The following EGFLAM variants were observed in gnomAD, a reference collection of about 807,000 sequenced individuals.
EGFLAM encodes the protein pikachurin.
Under a neutral mutation model 113.1 loss-of-function variants are expected in EGFLAM, and 79 were observed. The observed-to-expected ratio is 0.70, with a 90% CI of 0.58 to 0.84. EGFLAM has a LOEUF of 0.84. Among genes scored for constraint, EGFLAM ranks in the 40% least tolerant of loss-of-function variants. EGFLAM has a pLI of 0.00. For missense variants in EGFLAM, 1,265 were observed against 1,291.6 expected (o/e 0.98, Z 0.32); for synonymous variants, 504 against 487.6 (o/e 1.03, Z -0.44).
At position 38,463,850 on chromosome 5, in the gene EGFLAM, C is replaced by G. The variant is rs940109136; in HGVS notation, c.2894C>G (p.Ala965Gly). The G allele has an allele frequency of 1.9e-6, 3 of 1,613,782 alleles. No homozygotes were observed. The highest frequency in any genetic ancestry group is 2.7e-5 in the African/African-American group (2 of 74,924). Residue 965 changes from alanine (A) to glycine (G), a missense_variant, in exon 22 of 22, where the codon GCT becomes GGT. Physicochemically the swap from Ala to Gly is moderately conservative, Grantham distance 60. Transcript: ENST00000322350. ...CTGGCAGGTGGAATGAAGGAAATTGCTCTGCACACTAACAGGCAATATATG... is the reference window on the plus strand; with the variant it reads ...CTGGCAGGTGGAATGAAGGAAATTGGTCTGCACACTAACAGGCAATATATG... ...ALYVGGMKEI[A>G]LHTNRQYMRG...
At chr5:38,320,288 A>G (rs1738706319) in intron 1 of EGFLAM, among the ~76,000 whole-genome samples, 2 of 152,234 alleles carry the variant, frequency 1.3e-5, no homozygotes, top group Non-Finnish European at 2.9e-5. Flanking sequence ...AGAACTTTTT[A>G]GAAATGCAAA....
At chr5:38,386,894 C>T (rs1184301197) in intron 6 of EGFLAM, among the ~76,000 whole-genome samples, 2 of 152,184 alleles carry the variant, frequency 1.3e-5, no homozygotes, top group African/African-American at 2.4e-5. Flanking sequence ...TGCATAGACA[C>T]ACATACACAG....
intron 11 of EGFLAM, among the ~76,000 whole-genome samples, chr5:38,415,326 G>T (rs1383566524): frequency 1.3e-5 from 2 of 148,160 alleles, no homozygotes; most frequent in East Asian, 4.1e-4. Flanking sequence ...TTGCGCTACT[G>T]CACTCCATCC....
chr5:38,371,647 T>C (rs1437656549), intron 6 of EGFLAM, among the ~76,000 whole-genome samples: 1 of 151,748 alleles, frequency 6.6e-6, no homozygotes, highest in African/African-American at 2.4e-5. Context: ...CGCACACACA[T>C]ATGCACATGC....
chr5:38,284,426 A>G (rs1372776448), intron 1 of EGFLAM, among the ~76,000 whole-genome samples: 1 of 152,236 alleles, frequency 6.6e-6, no homozygotes, highest in African/African-American at 2.4e-5. Context: ...AAAAGCAGCC[A>G]CAGGCTATAT....
chr5:38,347,698 G>A (rs577447301), intron 3 of EGFLAM, among the ~76,000 whole-genome samples: 20 of 152,210 alleles, frequency 1.3e-4, no homozygotes, highest in African/African-American at 4.1e-4. Context: ...GAGGGGACAC[G>A]GTACGGGATG....
At chr5:38,365,628 C>G (rs543304150) in intron 5 of EGFLAM, among the ~76,000 whole-genome samples, 9 of 151,886 alleles carry the variant, frequency 5.9e-5, no homozygotes, top group Admixed American at 1.3e-4. Flanking sequence ...TGGTCTTTTA[C>G]CAGCATTTTG....
At chr5:38,301,262 G>A (rs1336870604) in intron 1 of EGFLAM, among the ~76,000 whole-genome samples, 2 of 152,104 alleles carry the variant, frequency 1.3e-5, no homozygotes, top group Non-Finnish European at 2.9e-5. Flanking sequence ...CCAGGAGAGG[G>A]TTTCCCAAGG....
chr5:38,438,290 C>T lies in EGFLAM; in HGVS notation c.2299C>T (p.Arg767Ter), dbSNP rs746941390. 14 of 1,612,884 alleles carry T rather than the reference C, an allele frequency of 8.7e-6. No homozygotes were observed. The highest frequency in any genetic ancestry group is 5.5e-5 in the South Asian group (5 of 90,758). Residue 767 changes from arginine to a stop codon, truncating the protein, a stop_gained, in exon 17 of 22, where the codon CGA becomes TGA. Coordinates refer to ENST00000322350, the MANE Select transcript of EGFLAM (RefSeq NM_152403.4). LOFTEE classifies it high-confidence loss of function. ...CTCTCTCAAGATCATCCTGAATGAC[C>T]GAACCATCCATGTGAAGCATGACTT... is the stretch of plus-strand genomic sequence containing the variant. ...GSIQKIILND[R>*]TIHVKHDFTS... is the part of the protein sequence containing the mutation.
intron 1 of EGFLAM, among the ~76,000 whole-genome samples, chr5:38,282,008 G>C (rs1465769574): frequency 6.6e-6 from 1 of 152,056 alleles, no homozygotes; most frequent in African/African-American, 2.4e-5. Context: ...TATTACTTTA[G>C]TGAGTTTTAC....
intron 10 of EGFLAM, among the ~76,000 whole-genome samples, chr5:38,409,432 CAGGTGCTGTTGAATGTACCTGGCTCTGG>C (rs1468706625): frequency 2.0e-5 from 3 of 151,714 alleles, no homozygotes; most frequent in Non-Finnish European, 2.9e-5. Context: ...CCTGGCACTG[CAGGTGCTGTTGAATGTACCTGGCTCTGG>C]AGGTGCTGTT....
chr5:38,407,671 A>G (rs998015331), intron 8 of EGFLAM, 134 bp from the exon 9 acceptor site: 1 of 619,826 alleles, frequency 1.6e-6, no homozygotes, highest in African/African-American at 1.9e-5. Flanking sequence ...AAAGTATAGA[A>G]AAGAAGATAG....
At chr5:38,281,379 A>T (rs1018232845) in intron 1 of EGFLAM, among the ~76,000 whole-genome samples, 3 of 152,188 alleles carry the variant, frequency 2.0e-5, no homozygotes, top group African/African-American at 7.2e-5. Flanking sequence ...TATAAAAAAA[A>T]ATCATTGGAT....
At chr5:38,400,584 T>C (rs1335812925) in intron 6 of EGFLAM, among the ~76,000 whole-genome samples, 2 of 152,340 alleles carry the variant, frequency 1.3e-5, no homozygotes, top group East Asian at 3.9e-4. Flanking sequence ...ATTTGGGATC[T>C]GAGGTGGCGG....
chr5:38,296,850 T>G (rs977039508), intron 1 of EGFLAM, among the ~76,000 whole-genome samples: 1 of 152,144 alleles, frequency 6.6e-6, no homozygotes, highest in African/African-American at 2.4e-5. Context: ...ATATTGACAC[T>G]GTGTACCCCT....
intron 1 of EGFLAM, among the ~76,000 whole-genome samples, chr5:38,284,893 A>C (rs1006379708): frequency 4.6e-5 from 7 of 152,218 alleles, no homozygotes; most frequent in Admixed American, 1.3e-4. Flanking sequence ...GTATATTCAA[A>C]ATACATAAAC....
intron 11 of EGFLAM, among the ~76,000 whole-genome samples, chr5:38,414,980 C>G (rs114247044): frequency 0.018 from 2,729 of 152,138 alleles, 110 homozygotes; most frequent in African/African-American, 0.063. Context: ...TAGGGATGTA[C>G]CAGGAATCCA....
intron 6 of EGFLAM, among the ~76,000 whole-genome samples, chr5:38,397,474 A>G (rs1481555690): frequency 2.0e-5 from 3 of 152,104 alleles, no homozygotes; most frequent in African/African-American, 7.2e-5. Flanking sequence ...CTTTATTTTT[A>G]TAGAGATGAA....
chr5:38,424,728 A>G (rs1398575521), intron 12 of EGFLAM, among the ~76,000 whole-genome samples: 1 of 152,210 alleles, frequency 6.6e-6, no homozygotes, highest in African/African-American at 2.4e-5. Flanking sequence ...TATTGTGTCC[A>G]TCATGTTTTT....
Sources: gnomAD v4.1 joint callset for allele counts (sites outside exome capture counted in the v4.1 genomes callset) on GRCh38, gnomAD v4.1.1 for gene constraint, MANE v1.5 for transcripts, NCBI Gene and HGNC (gene_info 2026-07-23, HGNC 2026-07-21) for gene names.